MYO3A: variants seen among roughly 807,000 people sequenced by gnomAD.
MYO3A encodes myosin IIIA.
Under a neutral mutation model 192.7 loss-of-function variants are expected in MYO3A, and 180 were observed. The ratio of observed to expected loss-of-function variants is 0.93; its 90% confidence interval spans 0.83 to 1.06. MYO3A has a LOEUF of 1.06. Ranked by LOEUF, MYO3A falls within the 50% of genes least tolerant of loss-of-function variation. The pLI, the probability that MYO3A is intolerant of heterozygous loss-of-function variation, is 0.00. For missense variants in MYO3A, 1,896 were observed against 1,905.0 expected (o/e 1.00, Z 0.09); for synonymous variants, 628 against 645.3 (o/e 0.97, Z 0.41).
intron 10 of MYO3A, among the ~76,000 whole-genome samples, chr10:26,052,574 T>C (rs1342834653): frequency 1.3e-5 from 2 of 152,326 alleles, no homozygotes; most frequent in East Asian, 1.9e-4. Flanking sequence ...GTACTACCAA[T>C]GCTGGTAGAC....
At chr10:26,058,018 G>A (rs2131323778) in intron 10 of MYO3A, among the ~76,000 whole-genome samples, 1 of 152,262 alleles carries the variant, frequency 6.6e-6, no homozygotes, top group East Asian at 1.9e-4. Context: ...TTTACATTAA[G>A]ATTCACTATT....
At position 26,212,261 on chromosome 10, in the gene MYO3A, C is replaced by T; in HGVS notation, c.*298C>T. The T allele has an allele frequency of 2.2e-6, 1 of 451,054 alleles. No individual in the cohort carries two copies. Among genetic ancestry groups the T allele is most frequent in the Non-Finnish European group, 3.9e-6 (1 of 255,772 alleles). 27.9% of individuals were successfully genotyped at this position (451,054 alleles called of 1,614,324 possible). A position where few individuals can be genotyped will look rare whatever the true frequency, so the allele number is the denominator to read the frequency against. ...CTGTCCTTGTTCCCCTAATCTATCA[C>T]TTTGTTCTTTTTTTTTGTGACTCCT... On this transcript the variant is annotated 3_prime_UTR_variant, in exon 35 of 35. Coordinates refer to ENST00000642920, the MANE Select transcript of MYO3A (RefSeq NM_017433.5).
intron 4 of MYO3A, among the ~76,000 whole-genome samples, chr10:25,979,439 A>G (rs1016540751): frequency 6.7e-6 from 1 of 148,340 alleles, no homozygotes. Flanking sequence ...AACAGTGACC[A>G]TACAGAAAAA....
At chr10:26,136,221 G>A (rs1300586721) in intron 20 of MYO3A, among the ~76,000 whole-genome samples, 1 of 151,930 alleles carries the variant, frequency 6.6e-6, no homozygotes, top group Non-Finnish European at 1.5e-5. Context: ...ATAAAAAAGT[G>A]GACTAAACTT....
rs188771802 is a variant in MYO3A, at chr10:26,032,268, T to C, written c.953+5736T>C. On this transcript the variant is annotated intron_variant, in intron 10 of 34. Coordinates refer to ENST00000642920, the MANE Select transcript of MYO3A (RefSeq NM_017433.5). ...CAGAATATAAGGCATATTTGAGACA[T>C]ATGTGGAAGGATTAACAAAAGAAAG... 1.2e-3 allele frequency among the ~76,000 whole-genome samples: 176 copies of C among 152,314 alleles called. 1 individual carries two copies. The highest frequency in any genetic ancestry group is 4.1e-3 in the African/African-American group (171 of 41,576).
intron 14 of MYO3A, among the ~76,000 whole-genome samples, chr10:26,084,174 CTT>C (rs1255126396): frequency 1.3e-5 from 2 of 152,152 alleles, no homozygotes; most frequent in African/African-American, 4.8e-5. Context: ...TTGTCAGATA[CTT>C]TTTCTGCATC....
intron 22 of MYO3A, among the ~76,000 whole-genome samples, chr10:26,145,735 C>T (rs1840424165): frequency 6.6e-6 from 1 of 152,194 alleles, no homozygotes; most frequent in African/African-American, 2.4e-5. Flanking sequence ...CTATGGAGGC[C>T]AGACCCACTC....
At chr10:26,022,617 GA>G (rs909458877) in intron 8 of MYO3A, 1 of 152,078 alleles carries the variant, frequency 6.6e-6, no homozygotes, top group African/African-American at 2.4e-5. Context: ...GAAAAGAATG[GA>G]AAACCTCTAT....
intron 10 of MYO3A, among the ~76,000 whole-genome samples, chr10:26,039,207 ATTTT>A (rs34416918): frequency 0.072 from 7,646 of 106,732 alleles, 134 homozygotes; most frequent in Non-Finnish European, 0.087. Flanking sequence ...GGCTCGGCTA[ATTTT>A]TTTTTTTTTT....
intron 31 of MYO3A, among the ~76,000 whole-genome samples, chr10:26,180,173 A>G (rs529012812): frequency 1.2e-3 from 177 of 152,294 alleles, no homozygotes; most frequent in African/African-American, 4.0e-3. Context: ...TGAGTATAGT[A>G]TTTAATACTA....
intron 10 of MYO3A, among the ~76,000 whole-genome samples, chr10:26,034,886 T>C (rs1454841049): frequency 1.9e-5 from 2 of 107,174 alleles, no homozygotes; most frequent in African/African-American, 6.1e-5. Context: ...TATGTGGACA[T>C]TTATTTGTTT....
chr10:25,951,936 A>G (rs1837230453), intron 2 of MYO3A, among the ~76,000 whole-genome samples, 158 bp from the exon 3 acceptor site: 1 of 152,172 alleles, frequency 6.6e-6, no homozygotes, highest in Non-Finnish European at 1.5e-5. Context: ...GCAAATGAGA[A>G]TTGAAATTCA....
In MYO3A at chr10:25,938,665, A is replaced by G. The variant is rs374670843; in HGVS notation, c.-18+2835A>G. Among the ~76,000 whole-genome samples, 34 of 152,338 alleles carry G rather than the reference A, an allele frequency of 2.2e-4. 1 individual carries two copies. The South Asian group carries it at 7.1e-3, about 32-fold the overall frequency. On this transcript the variant is annotated intron_variant, in intron 2 of 34. Coordinates refer to ENST00000642920, the MANE Select transcript of MYO3A (RefSeq NM_017433.5). ...ATCTGTGAATAGTATTCTACAGAAT[A>G]TACATGATGAATGTGTATAAAAGTG...
intron 10 of MYO3A, among the ~76,000 whole-genome samples, chr10:26,033,828 A>G (rs1380211049): frequency 6.6e-6 from 1 of 152,256 alleles, no homozygotes; most frequent in Admixed American, 6.5e-5. Context: ...TCATGTGAAG[A>G]TAGAGTTATC....
rs377591764 is a variant in MYO3A, at chr10:26,212,005, C to T, written c.*42C>T. The T allele has an allele frequency of 6.3e-6, 10 of 1,599,888 alleles. No homozygotes were observed. The African/African-American group carries it at 8.0e-5, about 13-fold the overall frequency. Reference sequence around the variant, plus strand: ...TCACCGCCGTCGGAAGGCGCTGGAGCCTGCGGGGCAGCAGGGGCCAAGCAG... The same window carrying T: ...TCACCGCCGTCGGAAGGCGCTGGAGTCTGCGGGGCAGCAGGGGCCAAGCAG... On this transcript the variant is annotated 3_prime_UTR_variant, in exon 35 of 35. Coordinates refer to ENST00000642920, the MANE Select transcript of MYO3A (RefSeq NM_017433.5).
intron 14 of MYO3A, among the ~76,000 whole-genome samples, chr10:26,087,633 G>A (rs945910533): frequency 6.6e-6 from 1 of 152,306 alleles, no homozygotes. Context: ...ATACTTCTTT[G>A]AGGAGAGGAG....
At chr10:26,211,224 G>T (rs944999507) in intron 34 of MYO3A, among the ~76,000 whole-genome samples, 3 of 152,154 alleles carry the variant, frequency 2.0e-5, no homozygotes, top group East Asian at 1.9e-4. Context: ...CATTTTTAGG[G>T]AATACCCCAC....
intron 31 of MYO3A, among the ~76,000 whole-genome samples, chr10:26,185,052 T>C (rs1842797123): frequency 6.6e-6 from 1 of 152,174 alleles, no homozygotes; most frequent in Non-Finnish European, 1.5e-5. Flanking sequence ...AGAGCAATCA[T>C]AGTCTGTTGA....
At chr10:26,072,417 G>A (rs12267078) in intron 14 of MYO3A, among the ~76,000 whole-genome samples, 56,482 of 151,928 alleles carry the variant, frequency 0.37, 11,054 homozygotes, top group Middle Eastern at 0.51. Flanking sequence ...CAGGAAATGG[G>A]AGCTGTCTCA....
Sources: allele counts gnomAD v4.1 joint callset (sites outside exome capture counted in the v4.1 genomes callset), GRCh38; gene constraint gnomAD v4.1.1; transcripts MANE v1.5; gene names NCBI Gene and HGNC (gene_info 2026-07-23, HGNC 2026-07-21).